BAALC: variants seen among roughly 807,000 people sequenced by gnomAD.
BAALC encodes the protein BAALC binder of MAP3K1 and KLF4.
BAALC carries 9 observed loss-of-function variants against 15.5 expected under a neutral mutation model. The observed-to-expected ratio is 0.58, with a 90% CI of 0.35 to 1.02. The LOEUF (loss-of-function observed/expected upper bound fraction) is 1.02, where lower values mean the gene tolerates loss of function less well. Ranked by LOEUF, BAALC falls within the 50% of genes least tolerant of loss-of-function variation. BAALC has a pLI of 0.02. For missense variants in BAALC, 201 were observed against 192.4 expected, an observed-to-expected ratio of 1.04 and a Z score of -0.27; for synonymous variants, 80 against 74.6, an observed-to-expected ratio of 1.07 and a Z score of -0.37.
chr8:103,201,849 CA>C (rs1321064231), intron 1 of BAALC, among the ~76,000 whole-genome samples: 2 of 152,068 alleles, frequency 1.3e-5, no homozygotes, highest in Non-Finnish European at 2.9e-5. Flanking sequence ...GATTGAAAGA[CA>C]AGTGACAAAG....
chr8:103,158,296 C>T lies in BAALC; in HGVS notation c.160+17239C>T, dbSNP rs115257646. Among the ~76,000 whole-genome samples the T allele has an allele frequency of 1.9e-3, 295 of 152,220 alleles. 3 individuals carry two copies. Among genetic ancestry groups the T allele is most frequent in the African/African-American group, 6.3e-3 (260 of 41,564 alleles). ...GAAAACCTTCAGGAAAGCTATTGCG[C>T]AACATGGTGACTAGCGTTAATAACA... is the stretch of plus-strand genomic sequence containing the variant. On this transcript the variant is annotated intron_variant, in intron 1 of 2. Transcript: ENST00000309982.
At chr8:103,201,276 A>G (rs1812209608) in intron 1 of BAALC, among the ~76,000 whole-genome samples, 1 of 152,170 alleles carries the variant, frequency 6.6e-6, no homozygotes, top group Non-Finnish European at 1.5e-5. Context: ...TAAATCAGCC[A>G]CCAGAGGGGC....
intron 1 of BAALC, among the ~76,000 whole-genome samples, chr8:103,147,235 A>G (rs1440300073): frequency 6.6e-6 from 1 of 152,192 alleles, no homozygotes; most frequent in African/African-American, 2.4e-5. Context: ...ACCCTAGCCA[A>G]AGATGAATTT....
At chr8:103,193,447 C>A (rs1184544869) in intron 1 of BAALC, among the ~76,000 whole-genome samples, 2 of 152,206 alleles carry the variant, frequency 1.3e-5, no homozygotes, top group African/African-American at 2.4e-5. Flanking sequence ...CATTCAGTGC[C>A]CTCTCTTGCT....
Position 103,213,019 on chromosome 8 carries a change from C to T in BAALC, c.261C>T (p.Cys87=). 6.2e-7 allele frequency: 1 copy of T among 1,614,124 alleles called. No individual in the cohort carries two copies. Residue 87 remains cysteine (C), a synonymous_variant, in exon 2 of 3, where the codon TGC becomes TGT. Coordinates refer to ENST00000309982, the MANE Select transcript of BAALC (RefSeq NM_024812.3). ...AGAAGACGAACTGTGAGACCCAGTG[C>T]CCAAATCCCCAGAGCCTCAGCTCAG... The part of the protein sequence containing the change: ...PEKKTNCETQ[C]PNPQSLSSGP...
chr8:103,176,752 G>T (rs1811615339), intron 1 of BAALC, among the ~76,000 whole-genome samples: 1 of 152,186 alleles, frequency 6.6e-6, no homozygotes, highest in South Asian at 2.1e-4. Context: ...TTTCCTCTCA[G>T]GCTTGGTTGG....
At chr8:103,144,599 A>G (rs62527612) in intron 1 of BAALC, among the ~76,000 whole-genome samples, 2 of 152,190 alleles carry the variant, frequency 1.3e-5, no homozygotes, top group Non-Finnish European at 2.9e-5. Flanking sequence ...CCATTCATTA[A>G]TAACTTCCTA....
intron 1 of BAALC, among the ~76,000 whole-genome samples, chr8:103,150,156 C>T (rs971093525): frequency 2.0e-5 from 3 of 152,114 alleles, no homozygotes; most frequent in African/African-American, 7.2e-5. Flanking sequence ...ATAAAACCAT[C>T]GGATCTCATG....
At chr8:103,174,260 C>CAAAAAAAAA in intron 1 of BAALC, among the ~76,000 whole-genome samples, 1 of 126,828 alleles carries the variant, frequency 7.9e-6, no homozygotes, top group Non-Finnish European at 1.7e-5. Flanking sequence ...GGCAAAGCAC[C>CAAAAAAAAA]AAAAAAAAAA....
chr8:103,147,520 T>C (rs1810902429), intron 1 of BAALC, among the ~76,000 whole-genome samples: 1 of 152,182 alleles, frequency 6.6e-6, no homozygotes, highest in Non-Finnish European at 1.5e-5. Context: ...CCTAGTCTTC[T>C]CTGAGTCAGA....
At chr8:103,204,848 CT>C (rs1812294578) in intron 1 of BAALC, among the ~76,000 whole-genome samples, 1 of 152,222 alleles carries the variant, frequency 6.6e-6, no homozygotes, top group Admixed American at 6.5e-5. Context: ...AGAAATGACA[CT>C]GTCCCATTCT....
chr8:103,193,795 C>G (rs557488540), intron 1 of BAALC, among the ~76,000 whole-genome samples: 1 of 152,286 alleles, frequency 6.6e-6, no homozygotes, highest in Non-Finnish European at 1.5e-5. Context: ...AGGGACAGAG[C>G]TGGAATTTGA....
At chr8:103,192,385 G>A (rs886285121) in intron 1 of BAALC, among the ~76,000 whole-genome samples, 2 of 152,228 alleles carry the variant, frequency 1.3e-5, no homozygotes, top group Non-Finnish European at 1.5e-5. Context: ...GCTATGTAGT[G>A]AGTAGGTTGT....
chr8:103,173,061 C>T (rs1262168607), intron 1 of BAALC, among the ~76,000 whole-genome samples: 1 of 152,184 alleles, frequency 6.6e-6, no homozygotes, highest in Admixed American at 6.5e-5. Context: ...TGCTTATTTT[C>T]CATTTCACTT....
At chr8:103,213,369 T>C (rs1199059847) in intron 2 of BAALC, 5 of 286,046 alleles carry the variant, frequency 1.7e-5, no homozygotes, top group Non-Finnish European at 2.0e-5. Context: ...TGGTGAGGAC[T>C]GTGCTGGTTA....
At chr8:103,215,154 G>GC (rs956299183) in intron 2 of BAALC, among the ~76,000 whole-genome samples, 4 of 151,894 alleles carry the variant, frequency 2.6e-5, no homozygotes, top group East Asian at 1.9e-4. Flanking sequence ...CTCATTTCCT[G>GC]CCCCCCCATC....
At chr8:103,148,625 C>A (rs1396227287) in intron 1 of BAALC, among the ~76,000 whole-genome samples, 1 of 152,160 alleles carries the variant, frequency 6.6e-6, no homozygotes, top group Admixed American at 6.5e-5. Flanking sequence ...CTCATTCATT[C>A]TTTCTGCCTT....
At chr8:103,154,527 C>G (rs549226460) in intron 1 of BAALC, 2 of 153,526 alleles carry the variant, frequency 1.3e-5, no homozygotes, top group Admixed American at 1.3e-4. Flanking sequence ...CCACTCAAAG[C>G]CTTTCATGAT....
chr8:103,222,232 C>A (rs1313533685), intron 2 of BAALC, among the ~76,000 whole-genome samples: 2 of 151,926 alleles, frequency 1.3e-5, no homozygotes, highest in Non-Finnish European at 2.9e-5. Flanking sequence ...ATAGGGGTGG[C>A]TGGCTCTTAG....
Sources: gnomAD v4.1 joint callset for allele counts (sites outside exome capture counted in the v4.1 genomes callset) on GRCh38, gnomAD v4.1.1 for gene constraint, MANE v1.5 for transcripts, NCBI Gene and HGNC (gene_info 2026-07-23, HGNC 2026-07-21) for gene names.